KDM6A: variants seen among roughly 807,000 people sequenced by gnomAD.
KDM6A encodes the protein lysine-specific demethylase 6A.
Under a neutral mutation model 117.6 loss-of-function variants are expected in KDM6A, and 11 were observed. That is an observed-to-expected ratio of 0.09 (90% CI 0.06 to 0.15). The LOEUF is 0.15. Among genes scored for constraint, KDM6A ranks in the 10% least tolerant of loss-of-function variants. The pLI is 1.00. For synonymous variants in KDM6A, 384 were observed against 396.1 expected (o/e 0.97, Z 0.36); for missense variants, 799 against 1,077.3 (o/e 0.74, Z 3.62).
chrX:45,046,593 T>C (rs192088220), intron 8 of KDM6A, among the ~76,000 whole-genome samples: 2 of 111,862 alleles, frequency 1.8e-5, no homozygotes, highest in Non-Finnish European at 3.8e-5. Flanking sequence ...GAATAAACTT[T>C]AGAGAGATAC....
chrX:44,992,920 T>C (rs1186751982), intron 4 of KDM6A, among the ~76,000 whole-genome samples: 1 of 112,194 alleles, frequency 8.9e-6, no homozygotes, highest in East Asian at 2.8e-4. Context: ...GTGGTAGTCA[T>C]GATATATAGT....
At chrX:44,880,790 T>TCAAA (rs1439060811) in intron 2 of KDM6A, among the ~76,000 whole-genome samples, 2 of 65,853 alleles carry the variant, frequency 3.0e-5, no homozygotes, top group Non-Finnish European at 5.3e-5. Context: ...TGTCTCCATC[T>TCAAA]CAAACAAACA....
intron 2 of KDM6A, among the ~76,000 whole-genome samples, chrX:44,933,529 T>C (rs1418389232): frequency 1.8e-5 from 2 of 108,841 alleles, no homozygotes; most frequent in Admixed American, 2.0e-4. Flanking sequence ...AGTCTCAGCC[T>C]CCCAAAGTGC....
chrX:44,883,180 T>C (rs1332788605), intron 2 of KDM6A, among the ~76,000 whole-genome samples: 1 of 108,833 alleles, frequency 9.2e-6, no homozygotes, highest in Non-Finnish European at 1.9e-5. Flanking sequence ...GCAATTCTCC[T>C]GTCTCAGCCT....
chrX:45,043,621 T>TA (rs1457716894), intron 8 of KDM6A, among the ~76,000 whole-genome samples: 1 of 110,692 alleles, frequency 9.0e-6, no homozygotes, highest in Non-Finnish European at 1.9e-5. Flanking sequence ...TACTAAAAAT[T>TA]AAAAAATTAG....
At chrX:44,956,272 T>A (rs1336035533) in intron 2 of KDM6A, among the ~76,000 whole-genome samples, 1 of 112,244 alleles carries the variant, frequency 8.9e-6, no homozygotes, top group Non-Finnish European at 1.9e-5. Flanking sequence ...ATGCTAGAGA[T>A]CTGATCAGAC....
chrX:45,054,695 T>C (rs914671334), intron 10 of KDM6A, among the ~76,000 whole-genome samples: 1 of 111,997 alleles, frequency 8.9e-6, no homozygotes, highest in African/African-American at 3.2e-5. Context: ...GGTGAAAAGA[T>C]CAATGTACTA....
intron 3 of KDM6A, among the ~76,000 whole-genome samples, chrX:44,965,945 T>C (rs1053160052): frequency 2.7e-5 from 3 of 111,278 alleles, no homozygotes; most frequent in African/African-American, 9.8e-5. Context: ...ACTTTTTTAT[T>C]GCTGCACCTT....
intron 4 of KDM6A, among the ~76,000 whole-genome samples, chrX:45,003,219 A>G (rs913485755): frequency 5.5e-5 from 6 of 109,131 alleles, no homozygotes; most frequent in Non-Finnish European, 1.1e-4. Flanking sequence ...CTGAATACCC[A>G]TTGTGTCTTT....
chrX:45,077,203 G>C, intron 19 of KDM6A, among the ~76,000 whole-genome samples: 1 of 109,795 alleles, frequency 9.1e-6, no homozygotes, highest in Non-Finnish European at 1.9e-5. Flanking sequence ...CCCCAAAAAA[G>C]ATACTACCTT....
chrX:45,070,428 A>T (rs2044768094), intron 18 of KDM6A, 71 bp downstream of exon 18: 2 of 986,601 alleles, frequency 2.0e-6, no homozygotes, highest in Non-Finnish European at 2.8e-6. Context: ...TGAAATTTGG[A>T]CCGTTTAAGA....
At chrX:45,087,804 T>C (rs1033650388) in intron 25 of KDM6A, among the ~76,000 whole-genome samples, 1 of 111,393 alleles carries the variant, frequency 9.0e-6, no homozygotes, top group African/African-American at 3.3e-5. Context: ...AGCTTGAGCG[T>C]AGGGATAATA....
chrX:44,904,438 T>C (rs1399658043), intron 2 of KDM6A, among the ~76,000 whole-genome samples: 2 of 112,080 alleles, frequency 1.8e-5, no homozygotes, highest in Non-Finnish European at 3.8e-5. Flanking sequence ...TGTTGGAGCT[T>C]TTAAAACTCT....
At chrX:44,923,561 T>TTTTTTC (rs2036112885) in intron 2 of KDM6A, among the ~76,000 whole-genome samples, 1 of 96,453 alleles carries the variant, frequency 1.0e-5, no homozygotes, top group Non-Finnish European at 2.1e-5. Context: ...TTTTTTTTTT[T>TTTTTTC]TGAGACAGAG....
chrX:45,018,318 T>TTA (rs1375498908), intron 5 of KDM6A, among the ~76,000 whole-genome samples: 1 of 111,012 alleles, frequency 9.0e-6, no homozygotes, highest in South Asian at 3.8e-4. Flanking sequence ...AGAACTTTGA[T>TTA]TATATATATA....
chrX:44,893,044 C>T (rs1323951209), intron 2 of KDM6A, among the ~76,000 whole-genome samples: 2 of 101,697 alleles, frequency 2.0e-5, no homozygotes, highest in Non-Finnish European at 4.0e-5. Flanking sequence ...TGTTGTGGTA[C>T]ACGCCTGTAA....
chrX:44,973,592 A>C lies in KDM6A; in HGVS notation c.335-1074A>C, dbSNP rs780438468. ...TCTGTTGCCTTATTTCTAGAATTAC[A>C]TATCTGTTGTAGGACCCTTCAAACT... On this transcript the variant is annotated intron_variant, in intron 3 of 29. Coordinates refer to ENST00000611820, the MANE Select transcript of KDM6A (RefSeq NM_001291415.2). Among the ~76,000 whole-genome samples the C allele has an allele frequency of 3.6e-5, 4 of 111,282 alleles. No homozygotes were observed. The South Asian group carries it at 1.5e-3, about 41-fold the overall frequency.
chrX:45,076,960 G>A lies in KDM6A; in HGVS notation c.2988+134G>A, dbSNP rs777173998. The A allele has an allele frequency of 7.1e-4, 387 of 541,748 alleles. 2 individuals carry two copies. In the African/African-American group the frequency reaches 8.2e-3, roughly 11 times the overall value. The allele number at this position is 541,748 out of a possible 1,213,427, so 44.6% of individuals were successfully genotyped here. A position where few individuals can be genotyped will look rare whatever the true frequency, so the allele number is the denominator to read the frequency against. On this transcript the variant is annotated intron_variant, in intron 19 of 29. Coordinates refer to ENST00000611820, the MANE Select transcript of KDM6A (RefSeq NM_001291415.2). ...GCAGCAGATTAAATAGTTTGGGGGC[G>A]GGGGGGAAGATATATTCAAGAAGAT... is the stretch of plus-strand genomic sequence containing the variant.
intron 2 of KDM6A, among the ~76,000 whole-genome samples, chrX:44,939,374 TGTG>T (rs2037159784): frequency 8.9e-6 from 1 of 111,978 alleles, no homozygotes; most frequent in Non-Finnish European, 1.9e-5. Flanking sequence ...TAAATGCAGA[TGTG>T]GTAGAAATAG....
Sources: allele counts gnomAD v4.1 joint callset (sites outside exome capture counted in the v4.1 genomes callset), GRCh38; gene constraint gnomAD v4.1.1; transcripts MANE v1.5; gene names NCBI Gene and HGNC (gene_info 2026-07-23, HGNC 2026-07-21).